The following TSPEAR variants were observed in gnomAD, a reference collection of about 807,000 sequenced individuals.
The protein encoded by TSPEAR is thrombospondin type laminin G domain and EAR repeats, also known as thrombospondin-type laminin G domain and EAR repeat-containing protein.
In TSPEAR, 69 loss-of-function variants were observed where a neutral mutation model predicts 71.6. The ratio of observed to expected loss-of-function variants is 0.96; its 90% CI spans 0.79 to 1.18. The LOEUF (loss-of-function observed/expected upper bound fraction) is 1.18, where lower values mean the gene tolerates loss of function less well. Ranked by LOEUF, TSPEAR falls within the 50% of genes most tolerant of loss-of-function variation. The pLI is 0.00. For missense variants in TSPEAR, 971 were observed against 894.9 expected (o/e 1.09, Z -1.09); for synonymous variants, 402 against 387.2 (o/e 1.04, Z -0.45).
At chr21:44,702,845 C>T in intron 1 of TSPEAR, 1 of 928,534 alleles carries the variant, frequency 1.1e-6, no homozygotes, top group South Asian at 1.5e-5. Flanking sequence ...TTCCCCCCAA[C>T]CTCTCCCACT....
chr21:44,703,059 T>C (rs1361112150), intron 1 of TSPEAR, among the ~76,000 whole-genome samples: 1 of 151,514 alleles, frequency 6.6e-6, no homozygotes, highest in Non-Finnish European at 1.5e-5. Context: ...CCACAGGAGG[T>C]CCCTGGCCCC....
intron 1 of TSPEAR, among the ~76,000 whole-genome samples, chr21:44,572,754 G>C (rs1179489118): frequency 6.6e-6 from 1 of 150,802 alleles, no homozygotes; most frequent in African/African-American, 2.4e-5. Flanking sequence ...GGTCTTTGTA[G>C]GTGATCAAGT....
In TSPEAR at chr21:44,522,131, G is replaced by A. The variant is rs781832854; in HGVS notation, c.1337-19C>T. 3 of 1,610,242 alleles carry A rather than the reference G, an allele frequency of 1.9e-6. No individual in the cohort carries two copies. Among genetic ancestry groups the A allele is most frequent in the Non-Finnish European group, 2.5e-6 (3 of 1,176,652 alleles). On this transcript the variant is annotated intron_variant, in intron 8 of 11. Coordinates refer to ENST00000323084, the MANE Select transcript of TSPEAR (RefSeq NM_144991.3). The stretch of plus-strand genomic sequence containing the variant: ...TTGTCGCCTGGAACCAAGGGACTGT[G>A]CTGGGGGCAGGGAGGCAGATTCCAC...
intron 1 of TSPEAR, chr21:44,697,560 G>A: frequency 6.2e-7 from 1 of 1,613,116 alleles, no homozygotes; most frequent in Non-Finnish European, 8.5e-7. Context: ...CCTGTGTGCT[G>A]TATGCCCGTC....
intron 7 of TSPEAR, 70 bp from the exon 8 acceptor site, chr21:44,525,909 T>G (rs2145971180): frequency 6.8e-7 from 1 of 1,477,382 alleles, no homozygotes; most frequent in East Asian, 2.3e-5. Context: ...TTCTGAAGGC[T>G]TCTGAACATC....
intron 2 of TSPEAR, among the ~76,000 whole-genome samples, chr21:44,556,535 A>G (rs1410843756): frequency 2.6e-5 from 4 of 152,162 alleles, no homozygotes; most frequent in Non-Finnish European, 5.9e-5. Context: ...TACTAAAAAT[A>G]CAAAAAAATT....
intron 1 of TSPEAR, among the ~76,000 whole-genome samples, chr21:44,620,343 G>A (rs1225783807): frequency 1.3e-5 from 2 of 152,202 alleles, no homozygotes; most frequent in Admixed American, 6.5e-5. Flanking sequence ...AAAGGCAGTC[G>A]ATAGTAAGCT....
intron 10 of TSPEAR, among the ~76,000 whole-genome samples, 180 bp from the exon 11 acceptor site, chr21:44,505,061 T>TA (rs1261753960): frequency 2.8e-4 from 42 of 152,078 alleles, no homozygotes; most frequent in Admixed American, 7.2e-4. Flanking sequence ...GTTGTTTGCT[T>TA]AAAAAAAATT....
chr21:44,522,228 A>T, intron 8 of TSPEAR, 116 bp from the exon 9 acceptor site: 1 of 975,670 alleles, frequency 1.0e-6, no homozygotes, highest in Non-Finnish European at 1.6e-6. Context: ...ACCCACGAGG[A>T]CAAGGCCAAC....
intron 1 of TSPEAR, chr21:44,575,138 G>A: frequency 1.0e-6 from 1 of 975,600 alleles, no homozygotes; most frequent in Non-Finnish European, 1.5e-6. Flanking sequence ...TGTTGAGCTG[G>A]ACAATGGAAG....
chr21:44,592,456 G>A (rs1555927030), intron 1 of TSPEAR: 1 of 1,611,474 alleles, frequency 6.2e-7, no homozygotes, highest in Admixed American at 1.7e-5. Flanking sequence ...CAGGTCGCTG[G>A]AGCAGACGGA....
chr21:44,628,091 TC>T, intron 1 of TSPEAR: 2 of 1,576,910 alleles, frequency 1.3e-6, no homozygotes, highest in South Asian at 1.2e-5. Flanking sequence ...AGGCCCCACC[TC>T]CCTGCCAGTC....
At position 44,528,446 on chromosome 21, in the gene TSPEAR, C is replaced by T; in HGVS notation, c.922+6G>A. 4 of 1,613,736 alleles carry T rather than the reference C, an allele frequency of 2.5e-6. No individual in the cohort carries two copies. Among genetic ancestry groups the T allele is most frequent in the Non-Finnish European group, 3.4e-6 (4 of 1,179,946 alleles). On this transcript the variant is annotated splice_donor_region_variant and intron_variant, in intron 6 of 11. Transcript: ENST00000323084. Reference sequence around the variant, plus strand: ...TGCCAACGCCCCGGGTGCAGGGCTGCCTCACCTGCTAACACGGAGACCCAC... The same window carrying T: ...TGCCAACGCCCCGGGTGCAGGGCTGTCTCACCTGCTAACACGGAGACCCAC...
chr21:44,525,565 C>G (rs1171292238), intron 8 of TSPEAR, 88 bp downstream of exon 8: 1 of 1,362,172 alleles, frequency 7.3e-7, no homozygotes, highest in African/African-American at 1.4e-5. Context: ...TTATTGTTTT[C>G]TAATAAGATA....
Position 44,612,715 on chromosome 21 carries a change from C to T in TSPEAR, c.83-44710G>A. ...GCTGCACCACCTCCTGCTGCAGACC[C>T]TCCTCCTCCGTGTCCCTCCTCTGCC... On this transcript the variant is annotated intron_variant, in intron 1 of 11. Transcript: ENST00000323084. The surrounding 1 kb of genome is among the most constrained non-coding windows in gnomAD (Gnocchi z 4.1). 6.2e-7 allele frequency: 1 copy of T among 1,613,880 alleles called. No individual in the cohort carries two copies. The highest frequency in any genetic ancestry group is 8.5e-7 in the Non-Finnish European group (1 of 1,179,934).
chr21:44,555,335 C>A (rs587720308), intron 2 of TSPEAR, among the ~76,000 whole-genome samples: 13 of 152,298 alleles, frequency 8.5e-5, no homozygotes, highest in African/African-American at 2.9e-4. Context: ...CCAGGTCCGA[C>A]GGCTGCCGGG....
At chr21:44,551,286 C>G (rs782190064) in intron 2 of TSPEAR, 1 of 1,613,556 alleles carries the variant, frequency 6.2e-7, no homozygotes, top group Non-Finnish European at 8.5e-7. Context: ...GGCCGCCTGG[C>G]AGCAGGGGCT....
intron 1 of TSPEAR, among the ~76,000 whole-genome samples, chr21:44,672,842 C>T (rs28770019): frequency 0.16 from 24,826 of 152,042 alleles, 2,118 homozygotes; most frequent in Admixed American, 0.17. Flanking sequence ...ATGTGTAGCA[C>T]CTCCCCCTTT....
rs1224449718 is a variant in TSPEAR, at chr21:44,623,983, T to C, written c.83-55978A>G. 6.6e-6 allele frequency among the ~76,000 whole-genome samples: 1 copy of C among 152,222 alleles called. No individual in the cohort carries two copies. Among genetic ancestry groups the C allele is most frequent in the East Asian group, 1.9e-4 (1 of 5,208 alleles). On this transcript the variant is annotated intron_variant, in intron 1 of 11. Transcript: ENST00000323084. This position sits in a 1 kb window ranked among gnomAD's most constrained non-coding sequence, Gnocchi z 4.5. ...CTTTAAACTTCTTGTCTATTAAACC[T>C]TCAAATATTTTACTACCCTTATTTT... is the stretch of plus-strand genomic sequence containing the variant.
Sources: gnomAD v4.1 joint callset for allele counts (sites outside exome capture counted in the v4.1 genomes callset) on GRCh38, gnomAD v4.1.1 for gene constraint, Gnocchi (gnomAD v3.1) non-coding constraint, MANE v1.5 for transcripts, NCBI Gene and HGNC (gene_info 2026-07-23, HGNC 2026-07-21) for gene names.